Variants in LRRC1 observed in about 807,000 individuals in gnomAD.
LRRC1 encodes leucine rich repeat containing 1.
A neutral mutation model predicts 69.9 loss-of-function variants in LRRC1; 28 were observed. That is an observed-to-expected ratio of 0.40 (90% CI 0.30 to 0.55). The LOEUF (loss-of-function observed/expected upper bound fraction) is 0.55, where lower values mean the gene tolerates loss of function less well. Among genes scored for constraint, LRRC1 ranks in the 20% least tolerant of loss-of-function variants. The pLI is 0.47. For missense variants in LRRC1, 498 were observed against 609.0 expected (o/e 0.82, Z 1.92); for synonymous variants, 236 against 240.2 (o/e 0.98, Z 0.16).
chr6:53,918,577 CCTG>C (rs908003803), intron 11 of LRRC1, among the ~76,000 whole-genome samples: 1 of 152,016 alleles, frequency 6.6e-6, no homozygotes, highest in African/African-American at 2.4e-5. Flanking sequence ...TAGTTTATTT[CCTG>C]TAAGTTCTGT....
chr6:53,834,578 A>G (rs747840736), intron 1 of LRRC1, among the ~76,000 whole-genome samples: 10 of 152,184 alleles, frequency 6.6e-5, no homozygotes, highest in Non-Finnish European at 1.5e-4. Flanking sequence ...TTCCTAAAGA[A>G]TATTATTAAC....
chr6:53,838,659 G>A (rs112908803), intron 1 of LRRC1, among the ~76,000 whole-genome samples: 4 of 152,276 alleles, frequency 2.6e-5, no homozygotes, highest in African/African-American at 9.6e-5. Flanking sequence ...ATTCAAATAC[G>A]TGACTCTATT....
chr6:53,900,017 ACTGTTTTTTTT>A, intron 8 of LRRC1, 126 bp downstream of exon 8: 1 of 379,110 alleles, frequency 2.6e-6, no homozygotes, highest in East Asian at 4.5e-5. Context: ...AAGTCTCCTT[ACTGTTTTTTTT>A]TTTTTTTTTT....
At chr6:53,879,653 A>T (rs1228397348) in intron 3 of LRRC1, among the ~76,000 whole-genome samples, 3 of 152,054 alleles carry the variant, frequency 2.0e-5, no homozygotes, top group Admixed American at 6.5e-5. Context: ...AAACCCAAAA[A>T]ACCCATATCA....
At chr6:53,839,935 G>A (rs1027798515) in intron 1 of LRRC1, among the ~76,000 whole-genome samples, 5 of 152,082 alleles carry the variant, frequency 3.3e-5, no homozygotes, top group Non-Finnish European at 5.9e-5. Flanking sequence ...TAATTCCTCA[G>A]GTGTGTTTTT....
intron 1 of LRRC1, among the ~76,000 whole-genome samples, chr6:53,805,425 C>A (rs1380295147): frequency 6.6e-6 from 1 of 152,098 alleles, no homozygotes; most frequent in Non-Finnish European, 1.5e-5. Flanking sequence ...TGTTTGGGAA[C>A]ACAAAGCTTG....
At chr6:53,887,441 T>C (rs1424009491) in intron 4 of LRRC1, among the ~76,000 whole-genome samples, 1 of 151,966 alleles carries the variant, frequency 6.6e-6, no homozygotes, top group Non-Finnish European at 1.5e-5. Flanking sequence ...TGTTCTTTTC[T>C]GTGCGATGAA....
At chr6:53,816,905 A>G (rs1764967366) in intron 1 of LRRC1, among the ~76,000 whole-genome samples, 1 of 152,232 alleles carries the variant, frequency 6.6e-6, no homozygotes, top group African/African-American at 2.4e-5. Flanking sequence ...CTTAAGACAA[A>G]GAAGATAGCC....
intron 4 of LRRC1, among the ~76,000 whole-genome samples, chr6:53,888,302 A>G (rs1484917726): frequency 6.6e-6 from 1 of 152,228 alleles, no homozygotes; most frequent in Non-Finnish European, 1.5e-5. Context: ...ATACAAGATT[A>G]CAAAACAAAA....
In LRRC1 at chr6:53,893,398, T is replaced by C. The variant is rs1004005904; in HGVS notation, c.447-3100T>C. 1.1e-4 allele frequency among the ~76,000 whole-genome samples: 16 copies of C among 152,146 alleles called. 1 individual carries two copies. Among genetic ancestry groups the C allele is most frequent in the Admixed American group, 9.8e-4 (15 of 15,270 alleles). On this transcript the variant is annotated intron_variant, in intron 4 of 13. Transcript: ENST00000370888. ...TTTTAGAGTGGCTTTCATCGGTGGC[T>C]CTATAGAGTCTGATTATAATATCCA...
At chr6:53,884,079 G>T in intron 4 of LRRC1, 1 of 706,674 alleles carries the variant, frequency 1.4e-6, no homozygotes. Flanking sequence ...CTCAGGAGGA[G>T]AAGAAGACAG....
chr6:53,847,580 A>G (rs1318688038), intron 2 of LRRC1, among the ~76,000 whole-genome samples: 2 of 152,266 alleles, frequency 1.3e-5, no homozygotes, highest in African/African-American at 4.8e-5. Flanking sequence ...CATCACTATC[A>G]TCAGGACAGC....
At chr6:53,801,176 T>A (rs1207312273) in intron 1 of LRRC1, among the ~76,000 whole-genome samples, 1 of 152,198 alleles carries the variant, frequency 6.6e-6, no homozygotes, top group East Asian at 1.9e-4. Flanking sequence ...GTTGGGTAGC[T>A]GAAGGGGTCA....
At chr6:53,862,803 AT>A in intron 2 of LRRC1, among the ~76,000 whole-genome samples, 1 of 152,178 alleles carries the variant, frequency 6.6e-6, no homozygotes. Context: ...AATGGGATGC[AT>A]TTGAAAAAAA....
chr6:53,836,459 A>G (rs1765615717), intron 1 of LRRC1, among the ~76,000 whole-genome samples: 1 of 152,120 alleles, frequency 6.6e-6, no homozygotes, highest in African/African-American at 2.4e-5. Flanking sequence ...GTAGAGGTTA[A>G]CTGCTGTATT....
chr6:53,795,367 C>G lies in LRRC1; in HGVS notation c.111C>G (p.Ser37Arg). 6.2e-7 allele frequency: 1 copy of G among 1,613,764 alleles called. No individual in the cohort carries two copies. Among genetic ancestry groups the G allele is most frequent in the Non-Finnish European group, 8.5e-7 (1 of 1,179,990 alleles). Reference protein sequence around the residue: ...VPEEIYRYARSLEELLLDANQ... With the variant: ...VPEEIYRYARRLEELLLDANQ... ...AGGAGATCTACCGCTATGCCCGGAG[C>G]CTGGAGGAGCTGCTGCTGGACGCCA... is the stretch of plus-strand genomic sequence containing the variant. The change falls in exon 1 of 14, where the codon AGC becomes AGG. Residue 37 changes from serine to arginine, a missense_variant. Ser to Arg is a moderately radical substitution (Grantham distance 110, BLOSUM62 -1). This residue lies in a region of LRRC1 where 70 missense variants were observed against 62.1 expected (regional missense o/e 1.13). Coordinates refer to ENST00000370888, the MANE Select transcript of LRRC1 (RefSeq NM_018214.5).
rs13195256 is a variant in LRRC1, at chr6:53,912,289, A to G, written c.991-1565A>G. On this transcript the variant is annotated intron_variant, in intron 10 of 13. Coordinates refer to ENST00000370888, the MANE Select transcript of LRRC1 (RefSeq NM_018214.5). ...GTAATTATGAAATGCGTGTTATTAT[A>G]TGGACCAAAGCGTTCTGTGAAGACT... Among the ~76,000 whole-genome samples, 606 of 152,336 alleles carry G rather than the reference A, an allele frequency of 4.0e-3. 2 individuals carry two copies. Among genetic ancestry groups the G allele is most frequent in the Middle Eastern group, 0.01 (3 of 294 alleles).
chr6:53,894,135 G>A lies in LRRC1; in HGVS notation c.447-2363G>A, dbSNP rs72936467. On this transcript the variant is annotated intron_variant, in intron 4 of 13. Coordinates refer to ENST00000370888, the MANE Select transcript of LRRC1 (RefSeq NM_018214.5). ...GAGACACCTGGAGATGCCTCAGTCAGTGAGGGTGAGGGCAGGAGCTTTGGC... is the reference window on the plus strand; with the variant it reads ...GAGACACCTGGAGATGCCTCAGTCAATGAGGGTGAGGGCAGGAGCTTTGGC... 9.1e-3 allele frequency among the ~76,000 whole-genome samples: 1,380 copies of A among 152,362 alleles called. 11 individuals are homozygous for A. Among genetic ancestry groups the A allele is most frequent in the Non-Finnish European group, 0.015 (1,025 of 68,038 alleles).
chr6:53,898,294 T>C (rs1767937886), intron 7 of LRRC1, among the ~76,000 whole-genome samples: 1 of 152,176 alleles, frequency 6.6e-6, no homozygotes, highest in South Asian at 2.1e-4. Context: ...GCAACTCTTG[T>C]GGGTAGAGTT....
Sources: gnomAD v4.1 joint callset for allele counts (sites outside exome capture counted in the v4.1 genomes callset) on GRCh38, gnomAD v4.1.1 for gene constraint, gnomAD v4.1.1 regional missense constraint, MANE v1.5 for transcripts, NCBI Gene and HGNC (gene_info 2026-07-23, HGNC 2026-07-21) for gene names.